The following KCNH8 variants were observed in gnomAD, a reference collection of about 807,000 sequenced individuals.
KCNH8 encodes voltage-gated delayed rectifier potassium channel KCNH8.
A neutral mutation model predicts 103.6 loss-of-function variants in KCNH8; 70 were observed. The observed-to-expected ratio is 0.68, with a 90% confidence interval of 0.56 to 0.82. The LOEUF (loss-of-function observed/expected upper bound fraction) is 0.82. Among genes scored for constraint, KCNH8 ranks in the 40% least tolerant of loss-of-function variants. The pLI is 0.00. For missense variants in KCNH8, 1,217 were observed against 1,329.9 expected (o/e 0.92, Z 1.32); for synonymous variants, 498 against 489.4 (o/e 1.02, Z -0.23).
chr3:19,496,072 G>A (rs139460689), intron 11 of KCNH8, among the ~76,000 whole-genome samples: 150 of 152,260 alleles, frequency 9.9e-4, no homozygotes, highest in African/African-American at 3.4e-3. Context: ...TGCTGAAATT[G>A]TTTATCAGAT....
intron 3 of KCNH8, among the ~76,000 whole-genome samples, chr3:19,282,111 T>G (rs931422725): frequency 6.6e-6 from 1 of 152,124 alleles, no homozygotes; most frequent in Non-Finnish European, 1.5e-5. Flanking sequence ...CAGCTATGTC[T>G]TTTTAGGAAT....
chr3:19,358,728 T>A (rs1016499811), intron 5 of KCNH8, among the ~76,000 whole-genome samples: 2 of 151,918 alleles, frequency 1.3e-5, no homozygotes, highest in African/African-American at 4.8e-5. Flanking sequence ...GATGACCATA[T>A]GGAGGTGATG....
intron 1 of KCNH8, among the ~76,000 whole-genome samples, chr3:19,244,469 C>T (rs1239432418): frequency 1.3e-5 from 2 of 151,834 alleles, no homozygotes; most frequent in African/African-American, 4.8e-5. Context: ...ATCTATTTTC[C>T]TTTGTGTATA....
chr3:19,498,700 TC>T (rs1417140275), intron 11 of KCNH8, among the ~76,000 whole-genome samples: 1 of 152,198 alleles, frequency 6.6e-6, no homozygotes, highest in Non-Finnish European at 1.5e-5. Flanking sequence ...TTTTTCCCCA[TC>T]TTTGTGGTTT....
intron 1 of KCNH8, among the ~76,000 whole-genome samples, chr3:19,224,147 T>G (rs1277301891): frequency 6.6e-6 from 1 of 151,078 alleles, no homozygotes; most frequent in Admixed American, 6.6e-5. Flanking sequence ...CAAAGTAAAG[T>G]TTTTTTTTCT....
intron 1 of KCNH8, among the ~76,000 whole-genome samples, chr3:19,183,875 C>T (rs1369188036): frequency 2.0e-5 from 3 of 152,090 alleles, no homozygotes; most frequent in Non-Finnish European, 2.9e-5. Flanking sequence ...GGGAAATGCA[C>T]ACTAAAACAT....
chr3:19,429,957 G>C (rs376931958), intron 7 of KCNH8, among the ~76,000 whole-genome samples: 2 of 152,126 alleles, frequency 1.3e-5, no homozygotes, highest in African/African-American at 2.4e-5. Context: ...TCGTTATCCA[G>C]TCTGTCATTA....
At chr3:19,177,032 T>G (rs28695535) in intron 1 of KCNH8, among the ~76,000 whole-genome samples, 6,296 of 152,218 alleles carry the variant, frequency 0.041, 468 homozygotes, top group African/African-American at 0.14. Flanking sequence ...ATCTAACACA[T>G]GTGTTTTCTC....
At chr3:19,498,015 C>A (rs1326891242) in intron 11 of KCNH8, among the ~76,000 whole-genome samples, 1 of 151,990 alleles carries the variant, frequency 6.6e-6, no homozygotes, top group Non-Finnish European at 1.5e-5. Context: ...CTTTTTTGGT[C>A]TTTGTTGGTT....
chr3:19,206,212 C>CATACGACAGTTATATATATATAT (rs1559422294), intron 1 of KCNH8, among the ~76,000 whole-genome samples: 2,504 of 133,630 alleles, frequency 0.019, 97 homozygotes, highest in African/African-American at 0.083. Flanking sequence ...TGTATATATA[C>CATACGACAGTTATATATATATAT]ATACCACAGT....
intron 15 of KCNH8, among the ~76,000 whole-genome samples, chr3:19,519,915 C>A (rs1035924440): frequency 4.0e-5 from 6 of 151,526 alleles, no homozygotes; most frequent in African/African-American, 1.5e-4. Context: ...TATATGTTCA[C>A]CTTTAGGAAT....
chr3:19,419,471 A>G (rs2125155167), intron 7 of KCNH8, among the ~76,000 whole-genome samples: 1 of 152,104 alleles, frequency 6.6e-6, no homozygotes, highest in East Asian at 1.9e-4. Flanking sequence ...AAGTGCTGGG[A>G]TTACAGGCGT....
rs576318741 is a variant in KCNH8, at chr3:19,377,622, G to T, written c.812-12859G>T. 2.0e-5 allele frequency among the ~76,000 whole-genome samples: 3 copies of T among 152,262 alleles called. No individual in the cohort carries two copies. The South Asian group carries it at 6.2e-4, about 32-fold the overall frequency. On this transcript the variant is annotated intron_variant, in intron 5 of 15. Coordinates refer to ENST00000328405, the MANE Select transcript of KCNH8 (RefSeq NM_144633.3). ...TTGGTTTTAGCAAACAACACTAAGA[G>T]GTTCAATGCCCAGGAGGAGCTGCAA... is the stretch of plus-strand genomic sequence containing the variant.
chr3:19,416,915 C>T (rs1246715861), intron 7 of KCNH8, among the ~76,000 whole-genome samples: 1 of 152,032 alleles, frequency 6.6e-6, no homozygotes, highest in African/African-American at 2.4e-5. Flanking sequence ...CTGCATGTTT[C>T]ACCCTTTCAC....
chr3:19,472,350 CA>C (rs1362318250), intron 11 of KCNH8, among the ~76,000 whole-genome samples: 1 of 151,984 alleles, frequency 6.6e-6, no homozygotes, highest in Non-Finnish European at 1.5e-5. Context: ...TGTCTCCACC[CA>C]AATCTCATCT....
rs2065941296 is a variant in KCNH8 at position 19,361,105 on chromosome 3, A to C, written c.811+13140A>C. On this transcript the variant is annotated intron_variant, in intron 5 of 15. Transcript: ENST00000328405. ...CCCTTATCCCTATATGTAGTATTCT[A>C]ACAATTCCTGTGCTCAGACCTGGAG... Among the ~76,000 whole-genome samples the C allele has an allele frequency of 2.0e-5, 3 of 152,120 alleles. No homozygotes were observed. The South Asian group carries it at 6.2e-4, about 31-fold the overall frequency.
chr3:19,334,423 A>G (rs894714012), intron 3 of KCNH8, among the ~76,000 whole-genome samples: 1 of 152,192 alleles, frequency 6.6e-6, no homozygotes, highest in Admixed American at 6.6e-5. Context: ...AGCCTGGGCC[A>G]TACAGCAAAA....
intron 3 of KCNH8, among the ~76,000 whole-genome samples, chr3:19,305,076 A>G (rs148196620): frequency 1.3e-5 from 2 of 152,082 alleles, no homozygotes; most frequent in African/African-American, 4.8e-5. Flanking sequence ...ACTGCAAACA[A>G]AAAGATAATT....
rs1261114256 is a variant in KCNH8 at position 19,237,794 on chromosome 3, CAT to C, written c.77-15859_77-15858del. ...AAGGCTAATGTATATGCAGGGCACA[CAT>C]GTGCACAAACGTGTGTATGTCTTTT... On this transcript the variant is annotated intron_variant, in intron 1 of 15. Coordinates refer to ENST00000328405, the MANE Select transcript of KCNH8 (RefSeq NM_144633.3). Among the ~76,000 whole-genome samples the C allele has an allele frequency of 3.3e-5, 5 of 152,310 alleles. No homozygotes were observed. The South Asian group carries it at 8.3e-4, about 25-fold the overall frequency.
Sources: gnomAD v4.1 joint callset for allele counts (sites outside exome capture counted in the v4.1 genomes callset) on GRCh38, gnomAD v4.1.1 for gene constraint, MANE v1.5 for transcripts, NCBI Gene and HGNC (gene_info 2026-07-23, HGNC 2026-07-21) for gene names.